ASIC2: variants seen among roughly 807,000 people sequenced by gnomAD.
The protein encoded by ASIC2 is acid-sensing ion channel 2.
Under a neutral mutation model 57.3 loss-of-function variants are expected in ASIC2, and 25 were observed. The observed-to-expected ratio is 0.44, with a 90% CI of 0.32 to 0.61. The LOEUF is 0.61. ASIC2 is among the 20% of genes least tolerant of loss of function. The pLI, the probability that ASIC2 is intolerant of heterozygous loss-of-function variation, is 0.06. For missense variants in ASIC2, 641 were observed against 738.1 expected (o/e 0.87, Z 1.52); for synonymous variants, 319 against 307.5 (o/e 1.04, Z -0.39).
intron 1 of ASIC2, among the ~76,000 whole-genome samples, chr17:34,083,270 G>A (rs1909968059): frequency 1.3e-5 from 2 of 150,596 alleles, no homozygotes; most frequent in East Asian, 4.0e-4. Flanking sequence ...AGAATATGCG[G>A]TGTTTGGTTT....
chr17:33,997,876 T>C (rs1405597847), intron 1 of ASIC2, among the ~76,000 whole-genome samples: 1 of 152,222 alleles, frequency 6.6e-6, no homozygotes, highest in Non-Finnish European at 1.5e-5. Context: ...ATCTGGGTAA[T>C]GCTGACCTCA....
chr17:33,291,859 C>T lies in ASIC2; in HGVS notation c.257G>A (p.Arg86Gln), dbSNP rs1413852474. 6.2e-7 allele frequency: 1 copy of T among 1,609,138 alleles called. No homozygotes were observed. The highest frequency in any genetic ancestry group is 1.3e-5 in the African/African-American group (1 of 74,908). ...ACAGAAGGCCAGCACCCACAGCGCC[C>T]GCCGCTGGAAGGAGCCCCCAGCCGC... ...RTAAGGSFQRRALWVLAFCTS... is the reference protein window; with the variant it reads ...RTAAGGSFQRQALWVLAFCTS... The change falls in exon 1 of 10, where the codon CGG becomes CAG. Residue 86 changes from arginine (R) to glutamine (Q), a missense_variant. Physicochemically the swap from Arg to Gln is conservative, Grantham distance 43. Coordinates refer to ENST00000225823, the MANE Select transcript of ASIC2 (RefSeq NM_183377.2).
intron 1 of ASIC2, among the ~76,000 whole-genome samples, chr17:33,662,431 G>A (rs1460724160): frequency 4.0e-5 from 6 of 151,728 alleles, no homozygotes; most frequent in African/African-American, 1.2e-4. Flanking sequence ...GACCAGCCTG[G>A]CCAACAAAGT....
intron 1 of ASIC2, among the ~76,000 whole-genome samples, chr17:33,358,344 A>G (rs1908467992): frequency 6.6e-6 from 1 of 152,174 alleles, no homozygotes; most frequent in African/African-American, 2.4e-5. Context: ...TTTGCTGACC[A>G]ATGTTCTAGA....
At chr17:33,530,884 T>A (rs1356193670) in intron 1 of ASIC2, among the ~76,000 whole-genome samples, 1 of 152,208 alleles carries the variant, frequency 6.6e-6, no homozygotes, top group Non-Finnish European at 1.5e-5. Flanking sequence ...GTTAGGTATA[T>A]AAAGTGCTTT....
intron 1 of ASIC2, among the ~76,000 whole-genome samples, chr17:33,551,514 C>T (rs952210872): frequency 6.6e-6 from 1 of 152,130 alleles, no homozygotes; most frequent in Non-Finnish European, 1.5e-5. Flanking sequence ...TACCAATGAC[C>T]AATCAATGGC....
chr17:33,484,339 C>T (rs1399348138), intron 1 of ASIC2, among the ~76,000 whole-genome samples: 1 of 152,100 alleles, frequency 6.6e-6, no homozygotes, highest in Non-Finnish European at 1.5e-5. Context: ...TGGGAGATGC[C>T]CCCATTTAAG....
intron 3 of ASIC2, among the ~76,000 whole-genome samples, chr17:33,035,546 A>T (rs1598245517): frequency 6.6e-6 from 1 of 152,280 alleles, no homozygotes; most frequent in East Asian, 1.9e-4. Context: ...TTGTTTAGAG[A>T]TAGGTATATT....
intron 3 of ASIC2, among the ~76,000 whole-genome samples, chr17:33,077,114 G>A (rs754477166): frequency 6.6e-6 from 1 of 151,928 alleles, no homozygotes; most frequent in Non-Finnish European, 1.5e-5. Flanking sequence ...TTGCTGAGAT[G>A]CAGCTCCCCT....
intron 3 of ASIC2, among the ~76,000 whole-genome samples, chr17:33,079,524 T>C (rs1167353053): frequency 6.6e-6 from 1 of 151,958 alleles, no homozygotes; most frequent in East Asian, 1.9e-4. Flanking sequence ...TGTGAAGAGA[T>C]TCTTGGACTT....
chr17:33,361,054 C>T (rs1376404234), intron 1 of ASIC2, among the ~76,000 whole-genome samples: 1 of 152,176 alleles, frequency 6.6e-6, no homozygotes, highest in Non-Finnish European at 1.5e-5. Flanking sequence ...ACAAGGAGAC[C>T]TGGAACCCTT....
chr17:33,551,281 C>T (rs140539218), intron 1 of ASIC2, among the ~76,000 whole-genome samples: 24 of 152,114 alleles, frequency 1.6e-4, no homozygotes, highest in Non-Finnish European at 2.5e-4. Context: ...GTTTGCATTC[C>T]GGAAAGATTC....
At chr17:33,850,705 G>A (rs1247669201) in intron 1 of ASIC2, among the ~76,000 whole-genome samples, 1 of 152,158 alleles carries the variant, frequency 6.6e-6, no homozygotes, top group African/African-American at 2.4e-5. Flanking sequence ...TACTTCTGAT[G>A]ACAGAATGGA....
intron 1 of ASIC2, among the ~76,000 whole-genome samples, chr17:33,695,154 T>A (rs956624625): frequency 6.6e-6 from 1 of 152,192 alleles, no homozygotes; most frequent in Non-Finnish European, 1.5e-5. Flanking sequence ...CTTGGTTTAA[T>A]AAAAAATTGA....
At chr17:33,067,674 GT>G (rs1332856170) in intron 3 of ASIC2, among the ~76,000 whole-genome samples, 2 of 152,210 alleles carry the variant, frequency 1.3e-5, no homozygotes, top group Non-Finnish European at 2.9e-5. Flanking sequence ...AGGGATGCCT[GT>G]AAAGTCTGAC....
At chr17:33,219,972 G>A (rs181680211) in intron 1 of ASIC2, among the ~76,000 whole-genome samples, 33 of 152,286 alleles carry the variant, frequency 2.2e-4, no homozygotes, top group Non-Finnish European at 4.4e-4. Flanking sequence ...TCCCATGGGG[G>A]TTAAGTCTCC....
intron 1 of ASIC2, among the ~76,000 whole-genome samples, chr17:33,657,645 C>T (rs1453501743): frequency 6.6e-6 from 1 of 151,314 alleles, no homozygotes; most frequent in African/African-American, 2.4e-5. Context: ...GAGCAGTCTG[C>T]AACGATTTTG....
intron 1 of ASIC2, among the ~76,000 whole-genome samples, chr17:33,153,560 T>C (rs1904882285): frequency 6.6e-6 from 1 of 152,160 alleles, no homozygotes; most frequent in Non-Finnish European, 1.5e-5. Flanking sequence ...GGTGCAGTAA[T>C]GGTGGGCTTT....
chr17:33,914,660 G>A (rs950609068), intron 1 of ASIC2, among the ~76,000 whole-genome samples: 14 of 152,310 alleles, frequency 9.2e-5, no homozygotes, highest in Admixed American at 3.3e-4. Flanking sequence ...AGTGTTGTAG[G>A]GACCTGCTCA....
Sources: gnomAD v4.1 joint callset for allele counts (sites outside exome capture counted in the v4.1 genomes callset) on GRCh38, gnomAD v4.1.1 for gene constraint, MANE v1.5 for transcripts, NCBI Gene and HGNC (gene_info 2026-07-23, HGNC 2026-07-21) for gene names.